The following SPATA3 variants were observed in gnomAD, a reference collection of about 807,000 sequenced individuals.
SPATA3 encodes spermatogenesis-associated protein 3.
A neutral mutation model predicts 5.7 loss-of-function variants in SPATA3; 6 were observed. The observed-to-expected ratio is 1.06, with a 90% CI of 0.58 to 2.09. The LOEUF is 2.09. Among genes scored for constraint, SPATA3 ranks in the 30% most tolerant of loss-of-function variants. SPATA3 has a pLI of 0.00. For missense variants in SPATA3, 155 were observed against 130.4 expected (o/e 1.19, Z -0.92); for synonymous variants, 44 against 48.4 (o/e 0.91, Z 0.37).
At chr2:230,998,607 G>A (rs1472100556) in intron 1 of SPATA3, among the ~76,000 whole-genome samples, 1 of 152,230 alleles carries the variant, frequency 6.6e-6, no homozygotes, top group East Asian at 1.9e-4. Flanking sequence ...AAGGATGAGG[G>A]CCTGCAAGTA....
chr2:231,016,506 C>CAA lies in SPATA3; in HGVS notation c.*565+2311_*565+2312dup, dbSNP rs749712082. Among the ~76,000 whole-genome samples, 29 of 70,044 alleles carry CAA rather than the reference C, an allele frequency of 4.1e-4. 2 individuals are homozygous for CAA. The highest frequency in any genetic ancestry group is 1.2e-3 in the East Asian group (3 of 2,598). 46.0% of individuals were successfully genotyped at this position (70,044 alleles called of 152,430 possible). On this transcript the variant is annotated intron_variant, in intron 6 of 8. Transcript: ENST00000452881. ...TCAACATGGTGAAACCCTGTCTCTA[C>CAA]AAAAAAAAAAAAAAAAAAGAAGAAG...
rs1238374289 is a variant in SPATA3, at chr2:231,018,420, C to T, written c.*566-1300C>T. On this transcript the variant is annotated intron_variant, in intron 6 of 8. Transcript: ENST00000452881. The stretch of plus-strand genomic sequence containing the variant: ...TCCCATAACCTATTGCCACCTCCCC[C>T]GAGATGCTCCAAGTCTCTCTTCCTT... Among the ~76,000 whole-genome samples the T allele has an allele frequency of 5.3e-5, 8 of 151,638 alleles. No individual in the cohort carries two copies. The East Asian group carries it at 5.8e-4, about 11-fold the overall frequency.
chr2:230,996,390 T>C, intron 1 of SPATA3: 1 of 1,534,970 alleles, frequency 6.5e-7, no homozygotes, highest in Non-Finnish European at 8.8e-7. Flanking sequence ...TAGCCCTGAA[T>C]CCACACCACA....
At chr2:231,009,410 C>T (rs1029410219), downstream of SPATA3, among the ~76,000 whole-genome samples, 1 of 152,194 alleles carries the variant, frequency 6.6e-6, no homozygotes, top group African/African-American at 2.4e-5. Context: ...CCTTCCATCC[C>T]CGGGGAAATG....
At chr2:231,014,026 A>G (rs1692862549) in exon 6 of SPATA3, 1 of 151,994 alleles carries the variant, frequency 6.6e-6, no homozygotes, top group African/African-American at 2.4e-5. Flanking sequence ...CTGCACCTCG[A>G]ATAAAGGCCA....
At chr2:231,005,220 T>TCATCAC (rs1559197518), downstream of SPATA3, among the ~76,000 whole-genome samples, 1 of 105,788 alleles carries the variant, frequency 9.5e-6, no homozygotes, top group African/African-American at 3.6e-5. Flanking sequence ...ATCACCACCA[T>TCATCAC]CATCACCATC....
intron 2 of SPATA3, 112 bp from the exon 3 acceptor site, chr2:231,002,572 G>T: frequency 1.8e-6 from 1 of 565,590 alleles, no homozygotes; most frequent in South Asian, 3.3e-5. Context: ...AGAGGGGGAA[G>T]ATGGGTATTC....
chr2:231,018,270 A>C (rs1314601722), intron 6 of SPATA3, among the ~76,000 whole-genome samples: 1 of 152,132 alleles, frequency 6.6e-6, no homozygotes, highest in Admixed American at 6.5e-5. Flanking sequence ...CTCATATTGC[A>C]GGAAGAAAGA....
At chr2:230,998,037 C>A (rs1447965052) in intron 1 of SPATA3, among the ~76,000 whole-genome samples, 1 of 152,154 alleles carries the variant, frequency 6.6e-6, no homozygotes, top group Non-Finnish European at 1.5e-5. Context: ...CACTTTAAAC[C>A]ACAGCACTGA....
At chr2:231,003,516 C>T (rs1692430811), downstream of SPATA3, among the ~76,000 whole-genome samples, 1 of 152,188 alleles carries the variant, frequency 6.6e-6, no homozygotes, top group Admixed American at 6.5e-5. Flanking sequence ...CTCAGCTTGA[C>T]CCTGTGGGAG....
chr2:231,015,587 A>G (rs916914557), intron 6 of SPATA3, among the ~76,000 whole-genome samples: 12 of 152,184 alleles, frequency 7.9e-5, no homozygotes, highest in Non-Finnish European at 1.2e-4. Flanking sequence ...TGGAATTGGA[A>G]TCAGGCCGCA....
chr2:231,008,342 C>G (rs1692695069), downstream of SPATA3, among the ~76,000 whole-genome samples: 1 of 152,202 alleles, frequency 6.6e-6, no homozygotes, highest in Non-Finnish European at 1.5e-5. Flanking sequence ...ACGGTGACAG[C>G]GGCATATGGT....
At chr2:231,000,461 A>G (rs1379534515) in exon 2 of SPATA3, 1 of 1,550,328 alleles carries the variant, frequency 6.5e-7, no homozygotes, top group Non-Finnish European at 8.7e-7. Context: ...CCATAGCCGC[A>G]TCTTCGATGT....
At chr2:231,012,130 A>T (rs1291799593), downstream of SPATA3, among the ~76,000 whole-genome samples, 1 of 152,208 alleles carries the variant, frequency 6.6e-6, no homozygotes, top group Non-Finnish European at 1.5e-5. Flanking sequence ...AGCGGCAAGA[A>T]GGAAAGTGTC....
Position 230,998,194 on chromosome 2 carries a change from T to C in SPATA3, c.791-2172T>C, listed in dbSNP as rs567796415. Among the ~76,000 whole-genome samples, 9 of 152,254 alleles carry C rather than the reference T, an allele frequency of 5.9e-5. No individual in the cohort carries two copies. The East Asian group carries it at 1.7e-3, about 29-fold the overall frequency. ...CTGGGCCACAGTTTACCCCCCGGGA[T>C]TGTGTGGGCATAAAATAAATAAGTG... On this transcript the variant is annotated intron_variant, in intron 1 of 2. Transcript: ENST00000645363.
At chr2:231,000,257 C>A in intron 1 of SPATA3, 109 bp from the exon 2 acceptor site, 2 of 1,049,540 alleles carry the variant, frequency 1.9e-6, no homozygotes, top group Non-Finnish European at 2.6e-6. Flanking sequence ...CCTGGTAATC[C>A]TGCAGCTGCT....
chr2:231,009,887 A>G (rs11691545), downstream of SPATA3, among the ~76,000 whole-genome samples: 52,519 of 152,002 alleles, frequency 0.35, 9,212 homozygotes, highest in Non-Finnish European at 0.37. Flanking sequence ...AGAGTGTGGT[A>G]TAATGAGTGA....
chr2:231,004,869 CTT>C (rs1043913539), downstream of SPATA3, among the ~76,000 whole-genome samples: 1 of 152,024 alleles, frequency 6.6e-6, no homozygotes, highest in Non-Finnish European at 1.5e-5. Context: ...ATGTAAAACA[CTT>C]AGCACAGTTC....
intron 1 of SPATA3, 113 bp from the exon 2 acceptor site, chr2:231,000,253 A>G: frequency 3.0e-6 from 3 of 1,002,094 alleles, no homozygotes; most frequent in East Asian, 3.0e-5. Context: ...TCGCCCTGGT[A>G]ATCCTGCAGC....
Sources: gnomAD v4.1 joint callset for allele counts (sites outside exome capture counted in the v4.1 genomes callset) on GRCh38, gnomAD v4.1.1 for gene constraint, MANE v1.5 for transcripts, NCBI Gene and HGNC (gene_info 2026-07-23, HGNC 2026-07-21) for gene names.